SGPL1: variants seen among roughly 807,000 people sequenced by gnomAD.
SGPL1 encodes sphingosine-1-phosphate lyase 1.
In SGPL1, 37 loss-of-function variants were observed where a neutral mutation model predicts 68.9. The ratio of observed to expected loss-of-function variants is 0.54; its 90% CI spans 0.41 to 0.71. The LOEUF is 0.71. Among genes scored for constraint, SGPL1 ranks in the 30% least tolerant of loss-of-function variants. The pLI, the probability that SGPL1 is intolerant of heterozygous loss-of-function variation, is 0.00. For missense variants in SGPL1, 551 were observed against 704.6 expected, an observed-to-expected ratio of 0.78 and a Z score of 2.47; for synonymous variants, 236 against 248.5, an observed-to-expected ratio of 0.95 and a Z score of 0.47.
At chr10:70,857,366 G>A in intron 5 of SGPL1, 1 of 404,894 alleles carries the variant, frequency 2.5e-6, no homozygotes, top group Non-Finnish European at 4.6e-6. Flanking sequence ...TTATCAGATT[G>A]CCTTTATTGT....
chr10:70,848,879 C>G (rs1319458308), intron 3 of SGPL1, among the ~76,000 whole-genome samples: 1 of 152,170 alleles, frequency 6.6e-6, no homozygotes, highest in African/African-American at 2.4e-5. Flanking sequence ...TTGCTTCCGT[C>G]TAACTGGAAT....
chr10:70,861,269 G>A (rs1435381371), intron 7 of SGPL1, among the ~76,000 whole-genome samples: 1 of 151,404 alleles, frequency 6.6e-6, no homozygotes, highest in East Asian at 1.9e-4. Context: ...GAGGCTAAGA[G>A]ATGCAAAGGA....
chr10:70,869,135 C>T (rs1375522657), intron 8 of SGPL1: 1 of 152,320 alleles, frequency 6.6e-6, no homozygotes, highest in African/African-American at 2.4e-5. Context: ...ATCTTTGGTG[C>T]TTGGTACTTC....
chr10:70,843,806 A>G (rs115933722), intron 2 of SGPL1, among the ~76,000 whole-genome samples: 1,738 of 152,312 alleles, frequency 0.011, 26 homozygotes, highest in African/African-American at 0.039. Context: ...GCCTGCTTTT[A>G]TATGGTCCTT....
At chr10:70,822,063 CTT>C (rs1845348467) in intron 2 of SGPL1, among the ~76,000 whole-genome samples, 1 of 152,178 alleles carries the variant, frequency 6.6e-6, no homozygotes, top group African/African-American at 2.4e-5. Context: ...ACCCTTGACT[CTT>C]TTTCAGGGAT....
rs139455250 is a variant in SGPL1, at chr10:70,869,779, C to T, written c.705-13C>T. Reference sequence around the variant, plus strand: ...GCCTGAGTTACATTATTCTCCTCTTCCCTGTCATTTAGTGTGGCTCCCCAA... The same window carrying T: ...GCCTGAGTTACATTATTCTCCTCTTTCCTGTCATTTAGTGTGGCTCCCCAA... On this transcript the variant is annotated splice_polypyrimidine_tract_variant and intron_variant, in intron 8 of 14. Transcript: ENST00000373202. 3.4e-4 allele frequency: 545 copies of T among 1,608,222 alleles called. 8 individuals are homozygous for T. The East Asian group carries it at 0.012, about 36-fold the overall frequency.
Position 70,871,838 on chromosome 10 carries a change from T to C in SGPL1, c.911T>C (p.Leu304Pro). The change falls in exon 11 of 15, where the codon CTG becomes CCG. Residue 304 changes from leucine to proline, a missense_variant and splice_region_variant. Physicochemically the swap from Leu to Pro is moderately conservative, Grantham distance 98 (BLOSUM62 -3). Transcript: ENST00000373202. Reference sequence around the variant, plus strand: ...ATGTTCTTTGTTTTTTGGAACAAGCTGGCTGTCAAATACAAAATACCCCTT... The same window carrying C: ...ATGTTCTTTGTTTTTTGGAACAAGCCGGCTGTCAAATACAAAATACCCCTT... ...VIDPVPEVAKLAVKYKIPLHV... is the reference protein window; with the variant it reads ...VIDPVPEVAKPAVKYKIPLHV... 6.2e-6 allele frequency: 10 copies of C among 1,613,138 alleles called. No homozygotes were observed. Among genetic ancestry groups the C allele is most frequent in the Non-Finnish European group, 8.5e-6 (10 of 1,179,696 alleles).
chr10:70,835,687 G>T (rs1845616437), intron 2 of SGPL1, among the ~76,000 whole-genome samples: 1 of 143,758 alleles, frequency 7.0e-6, no homozygotes, highest in Non-Finnish European at 1.5e-5. Context: ...AGTGAACCAA[G>T]ATTGCACCAC....
chr10:70,851,327 G>T, intron 4 of SGPL1, 117 bp downstream of exon 4: 1 of 849,708 alleles, frequency 1.2e-6, no homozygotes, highest in East Asian at 2.5e-5. Flanking sequence ...TTACCTCCAG[G>T]GGACACTTGG....
intron 2 of SGPL1, among the ~76,000 whole-genome samples, chr10:70,817,668 C>T (rs1845260475): frequency 6.6e-6 from 1 of 152,112 alleles, no homozygotes. Context: ...GTTTTGAAAC[C>T]TCTATTATTA....
intron 12 of SGPL1, among the ~76,000 whole-genome samples, chr10:70,873,879 G>A (rs1371341419): frequency 1.3e-5 from 2 of 152,330 alleles, no homozygotes; most frequent in African/African-American, 2.4e-5. Flanking sequence ...TAAGGCTAAT[G>A]TACAATTTAA....
At chr10:70,860,373 GTTTC>G (rs1309418607) in intron 7 of SGPL1, 3 of 462,866 alleles carry the variant, frequency 6.5e-6, no homozygotes, top group African/African-American at 4.1e-5. Flanking sequence ...ACCTAATTTA[GTTTC>G]TTTTTTTTTT....
chr10:70,857,348 C>T, intron 5 of SGPL1: 1 of 378,094 alleles, frequency 2.6e-6, no homozygotes, highest in South Asian at 2.2e-5. Context: ...AGGATGAGGA[C>T]AACATTATTA....
At chr10:70,835,747 A>AAAAAAAAAAAAAAAC in intron 2 of SGPL1, among the ~76,000 whole-genome samples, 1 of 151,796 alleles carries the variant, frequency 6.6e-6, no homozygotes, top group Non-Finnish European at 1.5e-5. Context: ...AAAAAAAAAA[A>AAAAAAAAAAAAAAAC]AAAAAAGAAA....
In SGPL1 at chr10:70,873,366, A is replaced by G; in HGVS notation, c.1075A>G (p.Lys359Glu). The G allele has an allele frequency of 6.2e-7, 1 of 1,614,018 alleles. No homozygotes were observed. The highest frequency in any genetic ancestry group is 2.2e-5 in the East Asian group (1 of 44,882). ...TCTTCCACAGTATGGCTATGCCCCA[A>G]AAGGCTCATCATTGGTGTTGTATAG... Reference protein sequence around the residue: ...ADTHKYGYAPKGSSLVLYSDK... With the variant: ...ADTHKYGYAPEGSSLVLYSDK... Residue 359 changes from lysine to glutamate, a missense_variant, in exon 12 of 15, where the codon AAA (lysine) becomes GAA (glutamate). Transcript: ENST00000373202.
chr10:70,854,264 T>A (rs1421885826), intron 4 of SGPL1, among the ~76,000 whole-genome samples: 3 of 150,884 alleles, frequency 2.0e-5, no homozygotes, highest in Admixed American at 6.6e-5. Context: ...AACCTCCACC[T>A]CCTGGGTTCA....
At chr10:70,863,765 C>T (rs925725174) in intron 7 of SGPL1, among the ~76,000 whole-genome samples, 14 of 152,190 alleles carry the variant, frequency 9.2e-5, no homozygotes, top group African/African-American at 3.4e-4. Flanking sequence ...TTTACTTGAA[C>T]ATCAGGGTTG....
At chr10:70,817,532 A>G (rs1845256942) in intron 2 of SGPL1, among the ~76,000 whole-genome samples, 1 of 152,188 alleles carries the variant, frequency 6.6e-6, no homozygotes, top group Non-Finnish European at 1.5e-5. Flanking sequence ...TGGAACTCCC[A>G]CTTCAAGTGA....
chr10:70,825,875 A>T (rs1845425661), intron 2 of SGPL1, among the ~76,000 whole-genome samples: 1 of 152,218 alleles, frequency 6.6e-6, no homozygotes, highest in Non-Finnish European at 1.5e-5. Context: ...TAAAAGACAT[A>T]AATATATTTC....
Sources: gnomAD v4.1 joint callset for allele counts (sites outside exome capture counted in the v4.1 genomes callset) on GRCh38, gnomAD v4.1.1 for gene constraint, MANE v1.5 for transcripts, NCBI Gene and HGNC (gene_info 2026-07-23, HGNC 2026-07-21) for gene names.